The following ARHGAP29 variants were observed in gnomAD, a reference collection of about 807,000 sequenced individuals.
The protein encoded by ARHGAP29 is Rho GTPase activating protein 29, also known as rho GTPase-activating protein 29.
In ARHGAP29, 43 loss-of-function variants were observed where a neutral mutation model predicts 122.6. That is an observed-to-expected ratio of 0.35 (90% CI 0.27 to 0.45). The LOEUF (loss-of-function observed/expected upper bound fraction) is 0.45. Ranked by LOEUF, ARHGAP29 falls within the 20% of genes least tolerant of loss-of-function variation. ARHGAP29 has a pLI of 1.00. For synonymous variants in ARHGAP29, 506 were observed against 497.1 expected, an observed-to-expected ratio of 1.02 and a Z score of -0.24; for missense variants, 1,303 against 1,477.2, an observed-to-expected ratio of 0.88 and a Z score of 1.93.
intron 1 of ARHGAP29, chr1:94,249,443 G>A (rs1653990561): frequency 6.6e-6 from 1 of 152,178 alleles, no homozygotes. Flanking sequence ...AAGCCTTTCT[G>A]TTCGCTCCAG....
At chr1:94,295,724 A>AATGTGGAATCTTCTAATTCCACACG in the ARHGAP29 span, among the ~76,000 whole-genome samples, 1 of 151,278 alleles carries the variant, frequency 6.6e-6, no homozygotes, top group Admixed American at 6.6e-5. Flanking sequence ...AACTCCACAC[A>AATGTGGAATCTTCTAATTCCACACG]ATGTGGAATC....
chr1:94,189,858 CTAGA>C (rs1650030918), intron 13 of ARHGAP29, 64 bp downstream of exon 13: 2 of 1,502,002 alleles, frequency 1.3e-6, no homozygotes, highest in East Asian at 4.6e-5. Flanking sequence ...CCTCCTTGTA[CTAGA>C]TAGAAACTTA....
upstream of ARHGAP29, among the ~76,000 whole-genome samples, chr1:94,278,497 A>T (rs1226722235): frequency 6.6e-6 from 1 of 152,194 alleles, no homozygotes; most frequent in Non-Finnish European, 1.5e-5. Context: ...AGAAGGAAAG[A>T]ATAACCCAGA....
At chr1:94,204,159 T>TTA (rs1270383699) in intron 7 of ARHGAP29, among the ~76,000 whole-genome samples, 165 bp from the exon 8 acceptor site, 2 of 151,858 alleles carry the variant, frequency 1.3e-5, no homozygotes, top group African/African-American at 4.8e-5. Context: ...TTTTTTTTTT[T>TTA]TAAAAAGAGA....
intron 5 of ARHGAP29, among the ~76,000 whole-genome samples, chr1:94,208,368 G>A (rs1238578420): frequency 1.3e-5 from 2 of 151,904 alleles, no homozygotes; most frequent in South Asian, 4.1e-4. Flanking sequence ...TTTGCATTCA[G>A]CAAAAAAGTT....
At chr1:94,289,317 T>A in the ARHGAP29 span, among the ~76,000 whole-genome samples, 1 of 152,216 alleles carries the variant, frequency 6.6e-6, no homozygotes, top group African/African-American at 2.4e-5. Context: ...TAGGAATGCT[T>A]ATGATTTTTG....
chr1:94,261,324 G>T (rs1314317956), intron 1 of ARHGAP29, among the ~76,000 whole-genome samples: 1 of 152,076 alleles, frequency 6.6e-6, no homozygotes, highest in Admixed American at 6.5e-5. Flanking sequence ...CTCCATAATT[G>T]AACATAATGA....
At chr1:94,217,891 A>G (rs1460571815) in intron 3 of ARHGAP29, among the ~76,000 whole-genome samples, 1 of 152,056 alleles carries the variant, frequency 6.6e-6, no homozygotes, top group Non-Finnish European at 1.5e-5. Flanking sequence ...CTCAAATAAT[A>G]TAAAGGATCT....
intron 10 of ARHGAP29, 84 bp downstream of exon 10, chr1:94,202,834 A>T (rs1186074550): frequency 1.3e-6 from 2 of 1,539,672 alleles, no homozygotes; most frequent in Non-Finnish European, 1.8e-6. Flanking sequence ...TTTTAGAAAA[A>T]TGAGAGCAAG....
At chr1:94,183,562 C>T (rs1649612559) in intron 19 of ARHGAP29, among the ~76,000 whole-genome samples, 1 of 152,168 alleles carries the variant, frequency 6.6e-6, no homozygotes, top group African/African-American at 2.4e-5. Context: ...GCTTATAGGA[C>T]AGTCCTTCCA....
rs578025761 is a variant in ARHGAP29, at chr1:94,219,049, T to C, written c.340+1209A>G. Among the ~76,000 whole-genome samples, 5 of 152,218 alleles carry C rather than the reference T, an allele frequency of 3.3e-5. No homozygotes were observed. The South Asian group carries it at 1.0e-3, about 32-fold the overall frequency. On this transcript the variant is annotated intron_variant, in intron 3 of 22. Transcript: ENST00000260526. The stretch of plus-strand genomic sequence containing the variant: ...CCCTTTCCCCAAAGAAGAGTTTCCT[T>C]TCCTCATTCAGCCTAGAGTGAGTTC...
At chr1:94,208,942 A>G in intron 4 of ARHGAP29, 38 bp from the exon 5 acceptor site, 1 of 1,562,896 alleles carries the variant, frequency 6.4e-7, no homozygotes, top group East Asian at 2.2e-5. Flanking sequence ...ACAAGTCATT[A>G]TACTTCTTTG....
rs780925819 is a variant in ARHGAP29, at chr1:94,268,290, A to G, written c.-33+6722T>C. Among the ~76,000 whole-genome samples the G allele has an allele frequency of 2.6e-5, 4 of 152,032 alleles. No individual in the cohort carries two copies. The South Asian group carries it at 6.2e-4, about 24-fold the overall frequency. Reference sequence around the variant, plus strand: ...TTCTTTAAGTTTTTGTTCAAATCTTACCTTCTTAACAAAGCTTAATCTGAT... The same window carrying G: ...TTCTTTAAGTTTTTGTTCAAATCTTGCCTTCTTAACAAAGCTTAATCTGAT... On this transcript the variant is annotated intron_variant and NMD_transcript_variant, in intron 1 of 25. Coordinates refer to the ARHGAP29 transcript ENST00000552844.
chr1:94,310,798 G>A, the ARHGAP29 span, among the ~76,000 whole-genome samples: 3 of 151,980 alleles, frequency 2.0e-5, no homozygotes, highest in Admixed American at 6.6e-5. Flanking sequence ...GCAGGAGAGG[G>A]GGAGTCAAAG....
At chr1:94,242,671 T>TA (rs1209275316) in intron 1 of ARHGAP29, among the ~76,000 whole-genome samples, 2 of 112,402 alleles carry the variant, frequency 1.8e-5, no homozygotes, top group Non-Finnish European at 1.9e-5. Flanking sequence ...ATGGAACAAA[T>TA]AAAAAAACAA....
upstream of ARHGAP29, among the ~76,000 whole-genome samples, chr1:94,241,803 A>C (rs1175569152): frequency 6.7e-6 from 1 of 149,950 alleles, no homozygotes; most frequent in Non-Finnish European, 1.5e-5. Flanking sequence ...TGTAGTAAAC[A>C]ACTAGAAAAA....
At chr1:94,254,838 C>G (rs929308597) in intron 1 of ARHGAP29, among the ~76,000 whole-genome samples, 5 of 152,096 alleles carry the variant, frequency 3.3e-5, no homozygotes, top group African/African-American at 1.2e-4. Context: ...TCTTGAACAC[C>G]AAGTCAGTGA....
intron 1 of ARHGAP29, among the ~76,000 whole-genome samples, chr1:94,273,163 A>C (rs190546411): frequency 4.6e-5 from 7 of 152,360 alleles, no homozygotes; most frequent in Admixed American, 2.0e-4. Flanking sequence ...CCTGTAAGAC[A>C]GTCTTGATCA....
chr1:94,280,909 G>A, the ARHGAP29 span, among the ~76,000 whole-genome samples: 1 of 152,176 alleles, frequency 6.6e-6, no homozygotes, highest in East Asian at 1.9e-4. Flanking sequence ...AAAATGGTGG[G>A]ATAAGCAGAG....
Sources: gnomAD v4.1 joint callset for allele counts (sites outside exome capture counted in the v4.1 genomes callset) on GRCh38, gnomAD v4.1.1 for gene constraint, MANE v1.5 for transcripts, NCBI Gene and HGNC (gene_info 2026-07-23, HGNC 2026-07-21) for gene names.